WWOX: variants seen among roughly 807,000 people sequenced by gnomAD.
The protein encoded by WWOX is WW domain-containing oxidoreductase.
In WWOX, 69 loss-of-function variants were observed where a neutral mutation model predicts 46.2. The observed-to-expected ratio is 1.49, with a 90% CI of 1.23 to 1.82. WWOX has a LOEUF of 1.82. Ranked by LOEUF, WWOX falls within the 40% of genes most tolerant of loss-of-function variation. The pLI, the probability that WWOX is intolerant of heterozygous loss-of-function variation, is 0.00. For missense variants in WWOX, 919 were observed against 542.6 expected (o/e 1.69, Z -6.89); for synonymous variants, 359 against 202.6 (o/e 1.77, Z -6.56).
rs115414975 is a variant in WWOX, at chr16:78,935,779, G to A, written c.1057-275829G>A. Among the ~76,000 whole-genome samples the A allele has an allele frequency of 4.6e-3, 705 of 152,166 alleles. 8 individuals carry two copies. The highest frequency in any genetic ancestry group is 0.016 in the African/African-American group (676 of 41,526). On this transcript the variant is annotated intron_variant, in intron 8 of 8. Coordinates refer to ENST00000566780, the MANE Select transcript of WWOX (RefSeq NM_016373.4). ...AAAAAAAAAATTAGCTGGGCGTGAT[G>A]GCACCTGCCTGTACCCCAGCTACTT...
At chr16:78,385,821 A>G (rs1213207306) in intron 5 of WWOX, among the ~76,000 whole-genome samples, 1 of 152,204 alleles carries the variant, frequency 6.6e-6, no homozygotes, top group Non-Finnish European at 1.5e-5. Context: ...TTGAATAGGC[A>G]GGTGGCCCTG....
chr16:78,218,530 C>G (rs564635430), intron 5 of WWOX, among the ~76,000 whole-genome samples: 1 of 152,204 alleles, frequency 6.6e-6, no homozygotes, highest in East Asian at 1.9e-4. Context: ...ACAGAAAATG[C>G]TTTTTAAAAT....
At chr16:79,091,863 C>T (rs1306895285) in intron 8 of WWOX, among the ~76,000 whole-genome samples, 2 of 149,102 alleles carry the variant, frequency 1.3e-5, no homozygotes, top group Admixed American at 6.7e-5. Flanking sequence ...TCACTGCAAC[C>T]TCCACTTCCT....
intron 8 of WWOX, among the ~76,000 whole-genome samples, chr16:78,531,153 A>G (rs1305537579): frequency 3.3e-5 from 5 of 152,212 alleles, no homozygotes; most frequent in Admixed American, 3.3e-4. Flanking sequence ...CTAGGTTCTC[A>G]CAATGTAGAA....
chr16:78,878,510 C>A (rs1324517057), intron 8 of WWOX, among the ~76,000 whole-genome samples: 2 of 151,994 alleles, frequency 1.3e-5, no homozygotes, highest in African/African-American at 2.4e-5. Context: ...ATATAAAAGG[C>A]TTGGTTTAAT....
At chr16:78,779,545 C>T (rs1179006785) in intron 8 of WWOX, among the ~76,000 whole-genome samples, 1 of 152,162 alleles carries the variant, frequency 6.6e-6, no homozygotes, top group Non-Finnish European at 1.5e-5. Flanking sequence ...AGGCATTGTG[C>T]TCAGCTCTTT....
chr16:78,317,631 C>G (rs751047403), intron 5 of WWOX, among the ~76,000 whole-genome samples: 2 of 152,086 alleles, frequency 1.3e-5, no homozygotes, highest in African/African-American at 4.8e-5. Context: ...TGAGAAAAAT[C>G]TGGTGTTTTT....
chr16:78,206,988 T>C (rs553482809), intron 5 of WWOX, among the ~76,000 whole-genome samples: 2 of 152,312 alleles, frequency 1.3e-5, no homozygotes, highest in Admixed American at 1.3e-4. Flanking sequence ...TCAAGATAGA[T>C]TCCTTGTTAT....
rs141900540 is a variant in WWOX, at chr16:78,578,874, G to C, written c.1056+146122G>C. Among the ~76,000 whole-genome samples the C allele has an allele frequency of 2.3e-4, 35 of 152,306 alleles. No homozygotes were observed. The East Asian group carries it at 5.4e-3, about 24-fold the overall frequency. On this transcript the variant is annotated intron_variant, in intron 8 of 8. Transcript: ENST00000566780. ...CATCTGTCTGTGAACAGGTTAATGGGAAAGGTGCATCTCTACAAACAAATA... is the reference window on the plus strand; with the variant it reads ...CATCTGTCTGTGAACAGGTTAATGGCAAAGGTGCATCTCTACAAACAAATA...
At chr16:78,892,990 A>G (rs2044623638) in intron 8 of WWOX, among the ~76,000 whole-genome samples, 1 of 152,122 alleles carries the variant, frequency 6.6e-6, no homozygotes, top group Admixed American at 6.5e-5. Flanking sequence ...TCCTTCCTTC[A>G]AGAGCGACAG....
rs78365373 is a variant in WWOX at position 79,027,481 on chromosome 16, A to G, written c.1057-184127A>G. Among the ~76,000 whole-genome samples the G allele has an allele frequency of 7.8e-3, 1,189 of 151,788 alleles. 59 individuals carry two copies. Among genetic ancestry groups the G allele is most frequent in the African/African-American group, 0.027 (1,127 of 41,090 alleles). The stretch of plus-strand genomic sequence containing the variant: ...TTATTGATACTAAGAAGAGCCTCCA[A>G]CTGAATAAGAACTAATGACTTCTGC... On this transcript the variant is annotated intron_variant, in intron 8 of 8. Coordinates refer to ENST00000566780, the MANE Select transcript of WWOX (RefSeq NM_016373.4).
chr16:78,543,304 G>A (rs2043943712), intron 8 of WWOX, among the ~76,000 whole-genome samples: 2 of 126,314 alleles, frequency 1.6e-5, no homozygotes, highest in African/African-American at 5.1e-5. Context: ...CAGTCACGTG[G>A]CCCTGAAGAG....
chr16:79,205,373 T>C (rs1405443748), intron 8 of WWOX: 1 of 152,186 alleles, frequency 6.6e-6, no homozygotes, highest in African/African-American at 2.4e-5. Flanking sequence ...GCCTGAGGTT[T>C]TTCTACCTTT....
chr16:79,077,057 A>G (rs979389714), intron 8 of WWOX, among the ~76,000 whole-genome samples: 1 of 152,078 alleles, frequency 6.6e-6, no homozygotes, highest in Non-Finnish European at 1.5e-5. Flanking sequence ...CTAAGGTTCC[A>G]CGTAATAATT....
chr16:78,275,468 G>A (rs968144256), intron 5 of WWOX, among the ~76,000 whole-genome samples: 1 of 152,246 alleles, frequency 6.6e-6, no homozygotes, highest in Non-Finnish European at 1.5e-5. Flanking sequence ...ATCCCCTGCA[G>A]TAACTGGCTT....
chr16:78,399,767 T>A (rs1295363178), intron 6 of WWOX, among the ~76,000 whole-genome samples: 1 of 152,046 alleles, frequency 6.6e-6, no homozygotes, highest in Non-Finnish European at 1.5e-5. Flanking sequence ...CTAACCACCC[T>A]CATTGTCACT....
At chr16:78,367,599 A>G (rs1234250816) in intron 5 of WWOX, among the ~76,000 whole-genome samples, 2 of 152,128 alleles carry the variant, frequency 1.3e-5, no homozygotes, top group Non-Finnish European at 2.9e-5. Context: ...TAAGTAAAGT[A>G]TTTACGGATG....
chr16:78,882,837 A>G (rs1278971656), intron 8 of WWOX, among the ~76,000 whole-genome samples: 3 of 151,978 alleles, frequency 2.0e-5, no homozygotes, highest in East Asian at 3.9e-4. Context: ...TAAAAAAAAA[A>G]AAAAGGGCAT....
At chr16:78,107,657 A>C (rs1028652589) in intron 1 of WWOX, among the ~76,000 whole-genome samples, 4 of 152,124 alleles carry the variant, frequency 2.6e-5, no homozygotes, top group African/African-American at 9.7e-5. Context: ...AAACACTTTG[A>C]AGTTACATCT....
Sources: allele counts gnomAD v4.1 joint callset (sites outside exome capture counted in the v4.1 genomes callset), GRCh38; gene constraint gnomAD v4.1.1; transcripts MANE v1.5; gene names NCBI Gene and HGNC (gene_info 2026-07-23, HGNC 2026-07-21).